Variants in GRM4 observed in about 807,000 individuals in gnomAD.
The protein encoded by GRM4 is glutamate metabotropic receptor 4, also known as metabotropic glutamate receptor 4.
GRM4 carries 28 observed loss-of-function variants against 81.7 expected under a neutral mutation model. The observed-to-expected ratio is 0.34, with a 90% CI of 0.25 to 0.47. GRM4 has a LOEUF of 0.47. Ranked by LOEUF, GRM4 falls within the 20% of genes least tolerant of loss-of-function variation. The pLI, the probability that GRM4 is intolerant of heterozygous loss-of-function variation, is 1.00. For synonymous variants in GRM4, 488 were observed against 528.8 expected (o/e 0.92, Z 1.06); for missense variants, 948 against 1,290.0 (o/e 0.73, Z 4.06).
rs539434969 is a variant in GRM4, at chr6:34,070,084, C to A, written c.737-8056G>T. 3.2e-4 allele frequency among the ~76,000 whole-genome samples: 48 copies of A among 152,232 alleles called. No individual in the cohort carries two copies. Among genetic ancestry groups the A allele is most frequent in the African/African-American group, 1.1e-3 (46 of 41,544 alleles). ...GCTCGGCAGGAGCTGCCAGCATGGG[C>A]GTGAGGGCAGAGGCTCTGTAGGAGT... On this transcript the variant is annotated intron_variant, in intron 3 of 10. Coordinates refer to ENST00000538487, the MANE Select transcript of GRM4 (RefSeq NM_000841.4). The surrounding 1 kb of genome is among the most constrained non-coding windows in gnomAD (Gnocchi z 4.6).
At chr6:34,052,050 C>A (rs1394305247) in intron 6 of GRM4, among the ~76,000 whole-genome samples, 1 of 152,234 alleles carries the variant, frequency 6.6e-6, no homozygotes, top group African/African-American at 2.4e-5. Context: ...AGTCCAGCCT[C>A]CAGCTGCCAG....
At chr6:34,148,376 ACT>A (rs1581745682), upstream of GRM4, among the ~76,000 whole-genome samples, 1 of 100,188 alleles carries the variant, frequency 1.0e-5, no homozygotes, top group African/African-American at 4.5e-5. Context: ...CCAAACACAG[ACT>A]CACACACACA....
In GRM4 at chr6:34,133,949, G is replaced by T; in HGVS notation, c.-363-90C>A. 1 of 514,602 alleles carries T rather than the reference G, an allele frequency of 1.9e-6. No individual in the cohort carries two copies. The allele number at this position is 514,602 out of a possible 1,614,324, so 31.9% of individuals were successfully genotyped here. A position where few individuals can be genotyped will look rare whatever the true frequency, so the allele number is the denominator to read the frequency against. ...ATCTCTCATCAGGAGCCTGAGAGAA[G>T]GAGATGCTAGAGGTTATCGCCGAAG... On this transcript the variant is annotated intron_variant, in intron 1 of 10. Coordinates refer to ENST00000538487, the MANE Select transcript of GRM4 (RefSeq NM_000841.4). The surrounding 1 kb of genome is among the most constrained non-coding windows in gnomAD (Gnocchi z 6.5).
At chr6:34,132,924 C>G in intron 2 of GRM4, 54 bp downstream of exon 2, 1 of 1,448,306 alleles carries the variant, frequency 6.9e-7, no homozygotes, top group Non-Finnish European at 9.4e-7. Context: ...TGAAGTGGGG[C>G]GGGCAGAGTC....
At chr6:34,131,739 C>T (rs1005314289) in intron 2 of GRM4, among the ~76,000 whole-genome samples, 7 of 152,274 alleles carry the variant, frequency 4.6e-5, no homozygotes, top group South Asian at 4.2e-4. Context: ...GAAAGAGTCC[C>T]GGTGAGAGTG....
rs553878712 is a variant in GRM4, at chr6:34,136,069, C to T, written c.-363-2210G>A. Among the ~76,000 whole-genome samples the T allele has an allele frequency of 6.6e-6, 1 of 152,312 alleles. No individual in the cohort carries two copies. Among genetic ancestry groups the T allele is most frequent in the East Asian group, 1.9e-4 (1 of 5,174 alleles). ...CCATCCTGTCCAAATGCCGACGGTG[C>T]CTCGTGGAGAAATCACAGCAAAAGA... is the stretch of plus-strand genomic sequence containing the variant. On this transcript the variant is annotated intron_variant, in intron 1 of 10. Coordinates refer to ENST00000538487, the MANE Select transcript of GRM4 (RefSeq NM_000841.4). The surrounding 1 kb of genome is among the most constrained non-coding windows in gnomAD (Gnocchi z 4.1).
In GRM4 at chr6:34,059,154, C is replaced by T. The variant is rs1443804536; in HGVS notation, c.873-26G>A. On this transcript the variant is annotated intron_variant, in intron 4 of 10. Coordinates refer to ENST00000538487, the MANE Select transcript of GRM4 (RefSeq NM_000841.4). This position sits in a 1 kb window ranked among gnomAD's most constrained non-coding sequence, Gnocchi z 5.7. The stretch of plus-strand genomic sequence containing the variant: ...CTGTAGGAACATACACCAGCCCAGC[C>T]CAGCCGCGTCTGTCCACGAAACTGC... 2 of 1,611,806 alleles carry T rather than the reference C, an allele frequency of 1.2e-6. No individual in the cohort carries two copies. The highest frequency in any genetic ancestry group is 1.7e-6 in the Non-Finnish European group (2 of 1,179,068).
intron 3 of GRM4, among the ~76,000 whole-genome samples, chr6:34,077,234 T>C (rs1767360529): frequency 6.6e-6 from 1 of 152,040 alleles, no homozygotes; most frequent in Non-Finnish European, 1.5e-5. Context: ...AAAGCTCCTT[T>C]CTGATCTAAA....
At chr6:34,155,082 A>T in exon 1 of GRM4, 1 of 1,517,098 alleles carries the variant, frequency 6.6e-7, no homozygotes, top group East Asian at 2.5e-5. Context: ...TTTTCACCTG[A>T]GCAGATTCCG....
intron 1 of GRM4, 119 bp downstream of exon 1, chr6:34,145,881 G>A (rs971200654): frequency 3.6e-5 from 20 of 549,958 alleles, no homozygotes; most frequent in Non-Finnish European, 4.4e-5. Context: ...CTCTCGCGGC[G>A]CTCCGCCACC....
chr6:34,141,280 C>T (rs2127516657), intron 1 of GRM4, among the ~76,000 whole-genome samples: 1 of 152,262 alleles, frequency 6.6e-6, no homozygotes, highest in African/African-American at 2.4e-5. Context: ...ACCATCATCA[C>T]CACCAATGGG....
At chr6:34,145,596 G>A (rs951652130) in intron 1 of GRM4, among the ~76,000 whole-genome samples, 10 of 152,170 alleles carry the variant, frequency 6.6e-5, no homozygotes, top group Non-Finnish European at 1.3e-4. Flanking sequence ...GAGAGCGAGC[G>A]AGAGAGGGAG....
chr6:34,052,796 G>C (rs1233571398), intron 6 of GRM4, among the ~76,000 whole-genome samples: 3 of 152,176 alleles, frequency 2.0e-5, no homozygotes, highest in East Asian at 3.9e-4. Context: ...GCACTGGCTT[G>C]ACAGCCAGGC....
At chr6:34,050,316 C>T (rs186583762) in intron 6 of GRM4, among the ~76,000 whole-genome samples, 129 of 152,292 alleles carry the variant, frequency 8.5e-4, no homozygotes, top group African/African-American at 3.0e-3. Flanking sequence ...AATCTCATGT[C>T]GAAATGTGAT....
intron 2 of GRM4, among the ~76,000 whole-genome samples, chr6:34,094,235 A>T (rs1768394301): frequency 6.6e-6 from 1 of 152,152 alleles, no homozygotes; most frequent in Non-Finnish European, 1.5e-5. Context: ...GCCTCAGGGG[A>T]GGAAAGCAAG....
rs985393866 is a variant in GRM4, at chr6:34,136,812, A to T, written c.-363-2953T>A. 1.5e-4 allele frequency among the ~76,000 whole-genome samples: 23 copies of T among 152,132 alleles called. No individual in the cohort carries two copies. Among genetic ancestry groups the T allele is most frequent in the African/African-American group, 5.3e-4 (22 of 41,488 alleles). On this transcript the variant is annotated intron_variant, in intron 1 of 10. Transcript: ENST00000538487. This position sits in a 1 kb window ranked among gnomAD's most constrained non-coding sequence, Gnocchi z 4.1. Reference sequence around the variant, plus strand: ...CTGCCTTTTCTGAGCTTCTCCAGAGAGCTGGGCAAGCCACTGCCTCTTTTA... The same window carrying T: ...CTGCCTTTTCTGAGCTTCTCCAGAGTGCTGGGCAAGCCACTGCCTCTTTTA...
chr6:34,154,008 T>C (rs1771097769), intron 1 of GRM4, among the ~76,000 whole-genome samples: 1 of 149,182 alleles, frequency 6.7e-6, no homozygotes, highest in South Asian at 2.1e-4. Context: ...CCACATGGGG[T>C]GTTTGGGACT....
chr6:34,154,285 C>T (rs1035898396), intron 1 of GRM4, among the ~76,000 whole-genome samples: 3 of 152,212 alleles, frequency 2.0e-5, no homozygotes, highest in Non-Finnish European at 4.4e-5. Flanking sequence ...CGGTCCTGCT[C>T]CCCGACCCCA....
At chr6:34,086,804 T>C (rs1246425141) in intron 3 of GRM4, among the ~76,000 whole-genome samples, 1 of 152,154 alleles carries the variant, frequency 6.6e-6, no homozygotes, top group African/African-American at 2.4e-5. Flanking sequence ...GAGAGCTAAA[T>C]GAGGTAATAT....
Sources: allele counts gnomAD v4.1 joint callset (sites outside exome capture counted in the v4.1 genomes callset), GRCh38; gene constraint gnomAD v4.1.1; non-coding constraint Gnocchi (gnomAD v3.1); transcripts MANE v1.5; gene names NCBI Gene and HGNC (gene_info 2026-07-23, HGNC 2026-07-21).